EYS: variants seen among roughly 807,000 people sequenced by gnomAD.
EYS encodes protein eyes shut homolog.
EYS carries 250 observed loss-of-function variants against 282.1 expected under a neutral mutation model. That is an observed-to-expected ratio of 0.89 (90% CI 0.80 to 0.98). EYS has a LOEUF of 0.98. Ranked by LOEUF, EYS falls within the 50% of genes least tolerant of loss-of-function variation. EYS has a pLI of 0.00. For missense variants in EYS, 4,016 were observed against 3,709.0 expected (o/e 1.08, Z -2.15); for synonymous variants, 1,355 against 1,282.9 (o/e 1.06, Z -1.20).
intron 18 of EYS, among the ~76,000 whole-genome samples, chr6:64,889,578 A>G (rs1265235426): frequency 3.9e-5 from 6 of 152,002 alleles, no homozygotes; most frequent in African/African-American, 7.2e-5. Context: ...GATTTCATGG[A>G]CGTTTACTAG....
At chr6:64,926,933 T>C (rs1210587351) in intron 15 of EYS, among the ~76,000 whole-genome samples, 1 of 152,194 alleles carries the variant, frequency 6.6e-6, no homozygotes, top group Non-Finnish European at 1.5e-5. Context: ...GCGATATACG[T>C]CATGATTTTT....
intron 22 of EYS, among the ~76,000 whole-genome samples, chr6:64,803,914 C>T (rs1411671923): frequency 6.6e-6 from 1 of 152,168 alleles, no homozygotes; most frequent in Non-Finnish European, 1.5e-5. Context: ...TCTCCAGGGC[C>T]CCCAGAGCAC....
At chr6:64,532,306 G>A (rs1764371326) in intron 26 of EYS, among the ~76,000 whole-genome samples, 1 of 152,156 alleles carries the variant, frequency 6.6e-6, no homozygotes, top group African/African-American at 2.4e-5. Context: ...CAAAATACTT[G>A]AAAGCTGTGA....
chr6:64,316,044 A>G (rs1769947812), intron 29 of EYS, among the ~76,000 whole-genome samples: 1 of 152,178 alleles, frequency 6.6e-6, no homozygotes, highest in African/African-American at 2.4e-5. Flanking sequence ...CTCTCAATAA[A>G]CTAGGTACTG....
At chr6:63,772,152 TAAAAAAAAAGAAAGA>T (rs1769942363) in intron 40 of EYS, among the ~76,000 whole-genome samples, 6 of 150,008 alleles carry the variant, frequency 4.0e-5, no homozygotes, top group African/African-American at 1.5e-4. Flanking sequence ...GGAAATTTTT[TAAAAAAAAAGAAAGA>T]TTTTTTTTTT....
chr6:64,776,378 C>G (rs750587952), intron 22 of EYS, among the ~76,000 whole-genome samples: 1 of 151,954 alleles, frequency 6.6e-6, no homozygotes, highest in Admixed American at 6.6e-5. Context: ...GCAGGGTTTA[C>G]GCCAATCTAT....
intron 22 of EYS, among the ~76,000 whole-genome samples, chr6:64,679,319 C>CT (rs2149902911): frequency 6.6e-6 from 1 of 152,160 alleles, no homozygotes; most frequent in African/African-American, 2.4e-5. Flanking sequence ...GGCACTTTAT[C>CT]TTTTTGGATA....
At chr6:64,943,862 C>A (rs531030403) in intron 15 of EYS, among the ~76,000 whole-genome samples, 1 of 151,762 alleles carries the variant, frequency 6.6e-6, no homozygotes, top group Non-Finnish European at 1.5e-5. Context: ...CTAAAATGTA[C>A]GTAGAGTGAA....
intron 14 of EYS, among the ~76,000 whole-genome samples, chr6:64,956,863 A>G (rs1486392253): frequency 6.6e-6 from 1 of 152,202 alleles, no homozygotes; most frequent in Non-Finnish European, 1.5e-5. Flanking sequence ...TATCAGAGAA[A>G]TGCACATCAA....
chr6:64,966,998 A>G (rs1770116442), intron 14 of EYS, among the ~76,000 whole-genome samples: 1 of 152,180 alleles, frequency 6.6e-6, no homozygotes, highest in Non-Finnish European at 1.5e-5. Context: ...ATGGTTTTCA[A>G]ATTAAATTCC....
intron 33 of EYS, among the ~76,000 whole-genome samples, chr6:64,052,707 G>A (rs1412614557): frequency 1.3e-5 from 2 of 152,144 alleles, no homozygotes; most frequent in Non-Finnish European, 2.9e-5. Flanking sequence ...GGACCAGGTG[G>A]AGGTAATTGA....
At chr6:63,796,208 T>C (rs1052044717) in intron 37 of EYS, among the ~76,000 whole-genome samples, 4 of 152,246 alleles carry the variant, frequency 2.6e-5, no homozygotes, top group Non-Finnish European at 5.9e-5. Context: ...GCTTGTGTTC[T>C]CACTTGATGT....
intron 29 of EYS, among the ~76,000 whole-genome samples, chr6:64,317,956 C>T (rs187286210): frequency 6.6e-6 from 1 of 152,184 alleles, no homozygotes; most frequent in East Asian, 1.9e-4. Context: ...TATGTCCTCA[C>T]TCATAAGTGG....
chr6:64,701,587 C>T (rs1209449263), intron 22 of EYS, among the ~76,000 whole-genome samples: 2 of 152,022 alleles, frequency 1.3e-5, no homozygotes, highest in Non-Finnish European at 2.9e-5. Flanking sequence ...TTATCTTAAG[C>T]AGAACAACTT....
intron 12 of EYS, among the ~76,000 whole-genome samples, chr6:65,272,105 TTA>T (rs1767922295): frequency 1.3e-5 from 2 of 152,156 alleles, no homozygotes; most frequent in South Asian, 2.1e-4. Context: ...TCTAGCAACA[TTA>T]GGAAAAATCA....
At chr6:64,071,822 A>G (rs570233849) in intron 32 of EYS, among the ~76,000 whole-genome samples, 1 of 151,708 alleles carries the variant, frequency 6.6e-6, no homozygotes, top group Admixed American at 6.6e-5. Context: ...AACAAATAAA[A>G]CCAAAACCAA....
intron 19 of EYS, among the ~76,000 whole-genome samples, chr6:64,867,103 T>C (rs1050468359): frequency 2.0e-5 from 3 of 151,860 alleles, no homozygotes; most frequent in Non-Finnish European, 3.0e-5. Context: ...TCAATAAATG[T>C]TAATTAAATC....
At chr6:64,259,974 A>G (rs1767534161) in intron 30 of EYS, among the ~76,000 whole-genome samples, 1 of 152,034 alleles carries the variant, frequency 6.6e-6, no homozygotes, top group South Asian at 2.1e-4. Flanking sequence ...CTTCTAAATA[A>G]CAGGAATTCC....
intron 19 of EYS, among the ~76,000 whole-genome samples, chr6:64,875,364 T>C (rs1766714778): frequency 6.6e-6 from 1 of 152,080 alleles, no homozygotes; most frequent in African/African-American, 2.4e-5. Flanking sequence ...TGATTACATA[T>C]GGCAATGTAA....
Sources: allele counts gnomAD v4.1 joint callset (sites outside exome capture counted in the v4.1 genomes callset), GRCh38; gene constraint gnomAD v4.1.1; transcripts MANE v1.5; gene names NCBI Gene and HGNC (gene_info 2026-07-23, HGNC 2026-07-21).